Variants in COG7 observed in about 807,000 individuals in gnomAD.
COG7 encodes component of oligomeric golgi complex 7.
A neutral mutation model predicts 91.5 loss-of-function variants in COG7; 49 were observed. That is an observed-to-expected ratio of 0.54 (90% CI 0.43 to 0.68). The LOEUF (loss-of-function observed/expected upper bound fraction) is 0.68. Among genes scored for constraint, COG7 ranks in the 30% least tolerant of loss-of-function variants. The probability of loss-of-function intolerance (pLI) is 0.00; values close to 1 mark genes in which losing one functional copy is unlikely to be tolerated. For synonymous variants in COG7, 365 were observed against 388.7 expected (o/e 0.94, Z 0.72); for missense variants, 895 against 961.3 (o/e 0.93, Z 0.91).
chr16:23,440,732 C>G (rs1964087562), intron 4 of COG7, among the ~76,000 whole-genome samples: 3 of 152,058 alleles, frequency 2.0e-5, no homozygotes, highest in African/African-American at 7.2e-5. Context: ...GCTGGGATTA[C>G]AGGCATGAGC....
At chr16:23,400,319 G>T (rs918996437) in intron 13 of COG7, among the ~76,000 whole-genome samples, 3 of 152,182 alleles carry the variant, frequency 2.0e-5, no homozygotes, top group African/African-American at 7.2e-5. Context: ...ATCCCCTGTG[G>T]AAACAGGTGT....
rs572691751 is a variant in COG7 at position 23,400,190 on chromosome 16, T to A, written c.1804-2061A>T. Among the ~76,000 whole-genome samples the A allele has an allele frequency of 3.3e-5, 5 of 149,490 alleles. No individual in the cohort carries two copies. The South Asian group carries it at 1.1e-3, about 32-fold the overall frequency. On this transcript the variant is annotated intron_variant, in intron 13 of 16. Transcript: ENST00000307149. ...ACAATCAGACTAGCCCTGGGGAGGGTTTTGAATGAGGAGAGATAAAACCAA... is the reference window on the plus strand; with the variant it reads ...ACAATCAGACTAGCCCTGGGGAGGGATTTGAATGAGGAGAGATAAAACCAA...
At chr16:23,413,694 G>A (rs1043237024) in intron 9 of COG7, 130 bp from the exon 10 acceptor site, 9 of 712,532 alleles carry the variant, frequency 1.3e-5, no homozygotes, top group Non-Finnish European at 1.8e-5. Flanking sequence ...TCCCACCGAC[G>A]AGTGAAACTG....
intron 14 of COG7, among the ~76,000 whole-genome samples, chr16:23,396,191 A>T (rs1356395360): frequency 6.6e-6 from 1 of 152,164 alleles, no homozygotes; most frequent in African/African-American, 2.4e-5. Flanking sequence ...TCAGGTCATC[A>T]GCCTCCGTAC....
intron 16 of COG7, 104 bp from the exon 17 acceptor site, chr16:23,389,190 G>T (rs1180800888): frequency 7.2e-7 from 1 of 1,383,618 alleles, no homozygotes; most frequent in Non-Finnish European, 9.9e-7. Flanking sequence ...AAGCTGCCCT[G>T]CCAAGTCCCT....
intron 1 of COG7, among the ~76,000 whole-genome samples, chr16:23,449,430 A>AT (rs1177458276): frequency 2.1e-5 from 3 of 146,140 alleles, no homozygotes; most frequent in Admixed American, 6.9e-5. Flanking sequence ...ATAAAATAAA[A>AT]AATAAATAAA....
chr16:23,437,930 C>T (rs973234346), intron 4 of COG7, among the ~76,000 whole-genome samples: 1 of 151,788 alleles, frequency 6.6e-6, no homozygotes, highest in African/African-American at 2.4e-5. Flanking sequence ...ACTAAAAATA[C>T]AAAAATTAGC....
At chr16:23,396,151 C>T (rs760519883) in intron 14 of COG7, among the ~76,000 whole-genome samples, 2 of 152,138 alleles carry the variant, frequency 1.3e-5, no homozygotes, top group African/African-American at 2.4e-5. Flanking sequence ...GCACACAGTA[C>T]GTGTTCAATT....
intron 16 of COG7, 94 bp downstream of exon 16, chr16:23,392,286 G>A: frequency 1.3e-6 from 2 of 1,584,308 alleles, no homozygotes; most frequent in Non-Finnish European, 1.7e-6. Flanking sequence ...GCTAAGGGAA[G>A]ACTTGGGATG....
chr16:23,405,541 G>T (rs1394424871), intron 12 of COG7, among the ~76,000 whole-genome samples: 1 of 149,212 alleles, frequency 6.7e-6, no homozygotes, highest in African/African-American at 2.5e-5. Context: ...TTTTGAGATG[G>T]AGTCTCGCTC....
chr16:23,413,536 G>A lies in COG7; in HGVS notation c.1321C>T (p.Gln441Ter), dbSNP rs769603091. 6.2e-7 allele frequency: 1 copy of A among 1,608,562 alleles called. No individual in the cohort carries two copies. The highest frequency in any genetic ancestry group is 8.5e-7 in the Non-Finnish European group (1 of 1,174,974). The change falls in exon 10 of 17, where the codon CAG becomes TAG. Residue 441 changes from glutamine to a stop codon, truncating the protein, a stop_gained. Coordinates refer to ENST00000307149, the MANE Select transcript of COG7 (RefSeq NM_153603.4). LOFTEE classifies it high-confidence loss of function. The stretch of plus-strand genomic sequence containing the variant: ...AGTTTGCACTTCTTTCGTATGGACT[G>A]GAGAGTGCTGGTGAAATCAGACACA... ...KYVSDFTSTL[Q>*]SIRKKCKLDH... is the part of the protein sequence containing the mutation.
chr16:23,416,998 G>C lies in COG7; in HGVS notation c.1261C>G (p.Leu421Val), dbSNP rs1596929657. ...AAGAGGGATTTCAGGGCTGACAACA[G>C]GCCGCAGGTCCCCAGGCCATTGGTG... is the stretch of plus-strand genomic sequence containing the variant. ...RFTNGLGTCG[L>V]LSALKSLFAK... The change falls in exon 9 of 17, where the codon CTG becomes GTG. Residue 421 changes from leucine to valine, a missense_variant. Transcript: ENST00000307149. 6.2e-7 allele frequency: 1 copy of C among 1,614,222 alleles called. No individual in the cohort carries two copies.
chr16:23,391,395 G>A (rs1305730656), intron 16 of COG7, among the ~76,000 whole-genome samples: 1 of 152,206 alleles, frequency 6.6e-6, no homozygotes, highest in East Asian at 1.9e-4. Flanking sequence ...CTGAAGGGCA[G>A]TAGCCAAAAG....
chr16:23,401,888 T>C (rs1963384007), intron 13 of COG7, among the ~76,000 whole-genome samples: 1 of 152,062 alleles, frequency 6.6e-6, no homozygotes, highest in Non-Finnish European at 1.5e-5. Context: ...AAACCCCGTC[T>C]CTACCAAAAA....
At chr16:23,390,215 T>C (rs1007811304) in intron 16 of COG7, 2 of 151,330 alleles carry the variant, frequency 1.3e-5, no homozygotes, top group Admixed American at 1.3e-4. Flanking sequence ...TTTTTTTTCT[T>C]TTCTGAGACA....
At chr16:23,431,255 T>C (rs1393958598) in intron 6 of COG7, among the ~76,000 whole-genome samples, 1 of 152,184 alleles carries the variant, frequency 6.6e-6, no homozygotes, top group Non-Finnish European at 1.5e-5. Context: ...ACATGTGCCC[T>C]GGCTCCTGTG....
chr16:23,426,706 G>C (rs1223688381), intron 6 of COG7, among the ~76,000 whole-genome samples: 2 of 150,798 alleles, frequency 1.3e-5, no homozygotes, highest in African/African-American at 4.9e-5. Flanking sequence ...AAAACCCACA[G>C]CTAACGTGAT....
rs202123984 is a variant in COG7 at position 23,393,365 on chromosome 16, G to A, written c.1888-18C>T. On this transcript the variant is annotated intron_variant, in intron 14 of 16. Coordinates refer to ENST00000307149, the MANE Select transcript of COG7 (RefSeq NM_153603.4). ...TGCCCGATCTGAAACAAAAGAAAGC[G>A]CTGTTAGCCTGACATTGACACATAC... 7.2e-5 allele frequency: 113 copies of A among 1,576,168 alleles called. No homozygotes were observed. In the East Asian group the frequency reaches 2.2e-3, roughly 30 times the overall value.
intron 3 of COG7, 104 bp downstream of exon 3, chr16:23,444,944 T>C (rs1318466962): frequency 7.9e-6 from 7 of 880,568 alleles, no homozygotes; most frequent in Admixed American, 3.4e-5. Flanking sequence ...TGAAGGTTTC[T>C]GAATGCTGCT....
Sources: allele counts gnomAD v4.1 joint callset (sites outside exome capture counted in the v4.1 genomes callset), GRCh38; gene constraint gnomAD v4.1.1; transcripts MANE v1.5; gene names NCBI Gene and HGNC (gene_info 2026-07-23, HGNC 2026-07-21).